Variants in ARHGEF3 observed in about 807,000 individuals in gnomAD.
ARHGEF3 encodes Rho guanine nucleotide exchange factor 3.
Under a neutral mutation model 63.2 loss-of-function variants are expected in ARHGEF3, and 28 were observed. The ratio of observed to expected loss-of-function variants is 0.44; its 90% CI spans 0.33 to 0.61. ARHGEF3 has a LOEUF of 0.61. Among genes scored for constraint, ARHGEF3 ranks in the 20% least tolerant of loss-of-function variants. The pLI is 0.03. For synonymous variants in ARHGEF3, 266 were observed against 254.2 expected (o/e 1.05, Z -0.44); for missense variants, 533 against 659.3 (o/e 0.81, Z 2.10).
intron 6 of ARHGEF3, among the ~76,000 whole-genome samples, chr3:56,746,510 T>C (rs1476440650): frequency 6.6e-6 from 1 of 152,110 alleles, no homozygotes; most frequent in Non-Finnish European, 1.5e-5. Flanking sequence ...GGCAGGCGGA[T>C]CACGAGGTCA....
chr3:57,001,031 C>T (rs1038989532), intron 2 of ARHGEF3, among the ~76,000 whole-genome samples: 11 of 152,112 alleles, frequency 7.2e-5, no homozygotes, highest in African/African-American at 2.7e-4. Flanking sequence ...CCTCAAATCC[C>T]TGGGCTCAAG....
At chr3:56,924,695 A>G (rs1313312714) in intron 3 of ARHGEF3, among the ~76,000 whole-genome samples, 5 of 152,112 alleles carry the variant, frequency 3.3e-5, no homozygotes, top group African/African-American at 1.2e-4. Flanking sequence ...AGTGAGAATG[A>G]CCAGAGGTCA....
At chr3:57,071,923 T>C (rs1705927607) in intron 1 of ARHGEF3, among the ~76,000 whole-genome samples, 1 of 152,012 alleles carries the variant, frequency 6.6e-6, no homozygotes, top group African/African-American at 2.4e-5. Flanking sequence ...AACTCAATAA[T>C]AAAGAGACAT....
chr3:56,851,857 C>A (rs1203698801), intron 4 of ARHGEF3, among the ~76,000 whole-genome samples: 1 of 152,224 alleles, frequency 6.6e-6, no homozygotes, highest in Non-Finnish European at 1.5e-5. Flanking sequence ...GATCCACCCA[C>A]CTCAGCCTCC....
At chr3:56,820,607 A>G (rs1403049426) in intron 4 of ARHGEF3, among the ~76,000 whole-genome samples, 1 of 152,182 alleles carries the variant, frequency 6.6e-6, no homozygotes, top group African/African-American at 2.4e-5. Flanking sequence ...GTTTGAGACC[A>G]GCCTGGGCAA....
chr3:56,870,710 T>C (rs1234067092), intron 4 of ARHGEF3, among the ~76,000 whole-genome samples: 2 of 152,148 alleles, frequency 1.3e-5, no homozygotes, highest in Admixed American at 6.6e-5. Flanking sequence ...GGAGACTATG[T>C]ATACATCGAC....
chr3:57,022,363 G>C (rs1439709218), intron 2 of ARHGEF3, among the ~76,000 whole-genome samples: 1 of 151,358 alleles, frequency 6.6e-6, no homozygotes, highest in Non-Finnish European at 1.5e-5. Context: ...TAGCAGGGCT[G>C]ATCAGACTGA....
chr3:56,772,131 C>T (rs2036040038), intron 2 of ARHGEF3, among the ~76,000 whole-genome samples: 1 of 152,150 alleles, frequency 6.6e-6, no homozygotes, highest in African/African-American at 2.4e-5. Context: ...GGGTATTAAC[C>T]AGGGATCCAG....
chr3:56,985,007 G>A (rs1177144537), intron 2 of ARHGEF3, among the ~76,000 whole-genome samples: 1 of 152,214 alleles, frequency 6.6e-6, no homozygotes, highest in Non-Finnish European at 1.5e-5. Context: ...GTAAAAGATG[G>A]TAGTTTTTTC....
intron 1 of ARHGEF3, among the ~76,000 whole-genome samples, chr3:56,779,748 G>A (rs1019726027): frequency 5.9e-5 from 9 of 152,126 alleles, no homozygotes; most frequent in Non-Finnish European, 1.0e-4. Flanking sequence ...TTGTGTTAAT[G>A]TTTTTCTAAC....
chr3:57,058,924 T>C (rs1705064546), intron 1 of ARHGEF3, among the ~76,000 whole-genome samples: 1 of 139,750 alleles, frequency 7.2e-6, no homozygotes, highest in South Asian at 2.3e-4. Context: ...TTCTCACTCA[T>C]AGGTGGGAAT....
At chr3:56,755,211 A>T in intron 2 of ARHGEF3, 60 bp from the exon 3 acceptor site, 2 of 1,550,834 alleles carry the variant, frequency 1.3e-6, no homozygotes, top group South Asian at 1.1e-5. Flanking sequence ...TGGATCTTTG[A>T]GCAGTTTCCT....
intron 2 of ARHGEF3, among the ~76,000 whole-genome samples, chr3:56,990,747 A>T (rs944551487): frequency 1.3e-5 from 2 of 151,178 alleles, no homozygotes; most frequent in East Asian, 3.8e-4. Flanking sequence ...TTTTATAGGT[A>T]AAAAAACAGG....
chr3:56,844,941 T>C lies in ARHGEF3; in HGVS notation c.192+37351A>G, dbSNP rs145607611. ...GGATGCACATGATTATGTATTATGA[T>C]TACATTACATAAGATTGGGTTATGT... is the stretch of plus-strand genomic sequence containing the variant. On this transcript the variant is annotated intron_variant, in intron 4 of 12. Coordinates refer to the ARHGEF3 transcript ENST00000338458. Among the ~76,000 whole-genome samples, 609 of 151,530 alleles carry C rather than the reference T, an allele frequency of 4.0e-3. 1 individual carries two copies. The highest frequency in any genetic ancestry group is 0.014 in the African/African-American group (570 of 41,518).
At chr3:56,837,793 C>T (rs911828687) in intron 4 of ARHGEF3, among the ~76,000 whole-genome samples, 1 of 152,180 alleles carries the variant, frequency 6.6e-6, no homozygotes, top group African/African-American at 2.4e-5. Flanking sequence ...ACATGACCAG[C>T]GATTCTGGTC....
intron 3 of ARHGEF3, among the ~76,000 whole-genome samples, chr3:56,882,958 A>G (rs2040818689): frequency 1.3e-5 from 2 of 152,232 alleles, no homozygotes; most frequent in Non-Finnish European, 1.5e-5. Flanking sequence ...ATGTCTCCAT[A>G]TATCAAGGCT....
At chr3:56,805,271 G>T (rs573420228), upstream of ARHGEF3, among the ~76,000 whole-genome samples, 2 of 152,194 alleles carry the variant, frequency 1.3e-5, no homozygotes, top group East Asian at 3.9e-4. Context: ...GTCTCACTTT[G>T]TTGCCCAGGC....
intron 2 of ARHGEF3, among the ~76,000 whole-genome samples, chr3:56,970,873 T>G (rs920385937): frequency 6.6e-6 from 1 of 152,206 alleles, no homozygotes; most frequent in Non-Finnish European, 1.5e-5. Context: ...GCTGGACAAG[T>G]GACTTAATAT....
intron 3 of ARHGEF3, among the ~76,000 whole-genome samples, chr3:56,917,672 A>G (rs1268740523): frequency 6.6e-6 from 1 of 152,242 alleles, no homozygotes; most frequent in Non-Finnish European, 1.5e-5. Flanking sequence ...TCTCAGAGCC[A>G]GAGACACATG....
Sources: gnomAD v4.1 joint callset for allele counts (sites outside exome capture counted in the v4.1 genomes callset) on GRCh38, gnomAD v4.1.1 for gene constraint, MANE v1.5 for transcripts, NCBI Gene and HGNC (gene_info 2026-07-23, HGNC 2026-07-21) for gene names.